The following KCNH5 variants were observed in gnomAD, a reference collection of about 807,000 sequenced individuals.
The protein encoded by KCNH5 is voltage-gated delayed rectifier potassium channel KCNH5.
KCNH5 carries 46 observed loss-of-function variants against 96.1 expected under a neutral mutation model. That is an observed-to-expected ratio of 0.48 (90% CI 0.38 to 0.61). The LOEUF is 0.61. Ranked by LOEUF, KCNH5 falls within the 20% of genes least tolerant of loss-of-function variation. The pLI, the probability that KCNH5 is intolerant of heterozygous loss-of-function variation, is 0.00. For missense variants in KCNH5, 907 were observed against 1,225.8 expected, an observed-to-expected ratio of 0.74 and a Z score of 3.88; for synonymous variants, 439 against 449.8, an observed-to-expected ratio of 0.98 and a Z score of 0.30.
intron 8 of KCNH5, among the ~76,000 whole-genome samples, chr14:62,839,916 C>T (rs1218015893): frequency 6.6e-6 from 1 of 152,086 alleles, no homozygotes; most frequent in Non-Finnish European, 1.5e-5. Context: ...TGACTCTCAT[C>T]TTCACAACTT....
At chr14:62,778,654 A>G (rs771169442) in intron 10 of KCNH5, among the ~76,000 whole-genome samples, 11 of 152,238 alleles carry the variant, frequency 7.2e-5, no homozygotes, top group Admixed American at 2.6e-4. Context: ...AGGTCTATTG[A>G]GCATACGTAC....
chr14:62,994,041 A>C (rs1890862359), intron 4 of KCNH5, among the ~76,000 whole-genome samples: 1 of 152,066 alleles, frequency 6.6e-6, no homozygotes, highest in Non-Finnish European at 1.5e-5. Context: ...TGGACTGCCT[A>C]ATCTTAAAAA....
At chr14:63,043,465 C>T (rs1891864072) in intron 1 of KCNH5, among the ~76,000 whole-genome samples, 1 of 152,024 alleles carries the variant, frequency 6.6e-6, no homozygotes, top group Admixed American at 6.6e-5. Context: ...AGTAATATCC[C>T]CTTGTATTAT....
chr14:62,937,017 G>A (rs930761224), intron 7 of KCNH5, among the ~76,000 whole-genome samples: 3 of 150,632 alleles, frequency 2.0e-5, no homozygotes, highest in Non-Finnish European at 4.4e-5. Context: ...AGAAAGAGGA[G>A]GAGAAGGAAG....
chr14:62,972,143 TA>T (rs1405394610), intron 6 of KCNH5, among the ~76,000 whole-genome samples: 1 of 152,092 alleles, frequency 6.6e-6, no homozygotes, highest in Non-Finnish European at 1.5e-5. Context: ...AAAGAACTCT[TA>T]AAACAACAAT....
Position 62,704,892 on chromosome 14 carries a change from CT to C in KCNH5, c.*2615del, listed in dbSNP as rs1006991469. 3 of 151,832 alleles carry C rather than the reference CT, an allele frequency of 2.0e-5. No homozygotes were observed. The highest frequency in any genetic ancestry group is 7.2e-5 in the African/African-American group (3 of 41,396). 9.4% of individuals were successfully genotyped at this position (151,832 alleles called of 1,614,324 possible). A position where few individuals can be genotyped will look rare whatever the true frequency, so the allele number is the denominator to read the frequency against. ...ATTCAAATCTGAGTAAATTCAACTG[CT>C]AAGATTTGTGGAATCTGGGAACCTA... On this transcript the variant is annotated 3_prime_UTR_variant, in exon 11 of 11. Transcript: ENST00000322893.
At chr14:62,863,489 T>C (rs1197922465) in intron 7 of KCNH5, among the ~76,000 whole-genome samples, 9 of 152,140 alleles carry the variant, frequency 5.9e-5, no homozygotes, top group Admixed American at 4.6e-4. Context: ...GGAACATCAA[T>C]TGTTGAAACC....
chr14:62,908,078 A>G (rs1419993589), intron 7 of KCNH5, among the ~76,000 whole-genome samples: 5 of 152,126 alleles, frequency 3.3e-5, no homozygotes, highest in Non-Finnish European at 7.4e-5. Context: ...TACTACACAA[A>G]CTTTTGTGGG....
chr14:63,004,218 G>C (rs192367589), intron 3 of KCNH5, among the ~76,000 whole-genome samples: 1 of 152,254 alleles, frequency 6.6e-6, no homozygotes, highest in East Asian at 1.9e-4. Flanking sequence ...CTCAGCTGAT[G>C]TTCAAAACCT....
chr14:62,897,726 T>C (rs1422423978), intron 7 of KCNH5, among the ~76,000 whole-genome samples: 1 of 152,140 alleles, frequency 6.6e-6, no homozygotes, highest in East Asian at 1.9e-4. Flanking sequence ...AAAAATCAAA[T>C]GAAAAATGAA....
intron 7 of KCNH5, among the ~76,000 whole-genome samples, chr14:62,882,378 A>T (rs2140077216): frequency 6.6e-6 from 1 of 152,352 alleles, no homozygotes; most frequent in African/African-American, 2.4e-5. Flanking sequence ...TGAAAGAACT[A>T]GTATTGAGCT....
chr14:62,997,658 A>G (rs1287914405), intron 4 of KCNH5, among the ~76,000 whole-genome samples: 2 of 151,800 alleles, frequency 1.3e-5, no homozygotes, highest in African/African-American at 4.8e-5. Context: ...ATTGGTTTGG[A>G]AGGCCGAGGC....
chr14:62,919,820 A>C (rs1309205163), intron 7 of KCNH5, among the ~76,000 whole-genome samples: 1 of 152,012 alleles, frequency 6.6e-6, no homozygotes, highest in Non-Finnish European at 1.5e-5. Flanking sequence ...TTGCTGTCCC[A>C]GAGTATTGAC....
intron 9 of KCNH5, among the ~76,000 whole-genome samples, chr14:62,785,723 C>T (rs546793142): frequency 2.7e-3 from 409 of 152,184 alleles, no homozygotes; most frequent in Non-Finnish European, 5.0e-3. Flanking sequence ...GAAACTGGAA[C>T]ATTTAAGACA....
rs567947161 is a variant in KCNH5, at chr14:62,830,236, C to T, written c.1569+19417G>A. Among the ~76,000 whole-genome samples, 18 of 152,324 alleles carry T rather than the reference C, an allele frequency of 1.2e-4. 1 individual carries two copies. The highest frequency in any genetic ancestry group is 4.1e-4 in the South Asian group (2 of 4,832). On this transcript the variant is annotated intron_variant, in intron 8 of 10. Transcript: ENST00000322893. ...TAACAAGTCTCTAGGAAGTTCTAAA[C>T]TTTCCCATATCTTCCTGTCTTCTTC...
intron 8 of KCNH5, among the ~76,000 whole-genome samples, chr14:62,842,014 A>G (rs1887595218): frequency 6.6e-6 from 1 of 152,232 alleles, no homozygotes; most frequent in Admixed American, 6.5e-5. Flanking sequence ...ATTAGCCCAC[A>G]CTATTACGCT....
chr14:62,726,165 T>C (rs1364105000), intron 10 of KCNH5, among the ~76,000 whole-genome samples: 2 of 152,162 alleles, frequency 1.3e-5, no homozygotes, highest in Non-Finnish European at 2.9e-5. Context: ...AGACTGCAGA[T>C]TGTAATGTGA....
intron 4 of KCNH5, among the ~76,000 whole-genome samples, chr14:62,994,799 C>T (rs1890877254): frequency 6.6e-6 from 1 of 151,940 alleles, no homozygotes. Context: ...GAATCTTCAA[C>T]AGTAAAATGG....
chr14:62,967,246 A>T (rs1004261101), intron 6 of KCNH5, among the ~76,000 whole-genome samples: 3 of 151,066 alleles, frequency 2.0e-5, no homozygotes, highest in South Asian at 2.1e-4. Flanking sequence ...TGATGAGGGA[A>T]TTTTTTTTTC....
Sources: gnomAD v4.1 joint callset for allele counts (sites outside exome capture counted in the v4.1 genomes callset) on GRCh38, gnomAD v4.1.1 for gene constraint, MANE v1.5 for transcripts, NCBI Gene and HGNC (gene_info 2026-07-23, HGNC 2026-07-21) for gene names.